The following TRHDE variants were observed in gnomAD, a reference collection of about 807,000 sequenced individuals.
The protein encoded by TRHDE is thyrotropin releasing hormone degrading enzyme, also known as thyrotropin-releasing hormone-degrading ectoenzyme.
In TRHDE, 72 loss-of-function variants were observed where a neutral mutation model predicts 125.7. That is an observed-to-expected ratio of 0.57 (90% CI 0.47 to 0.70). TRHDE has a LOEUF of 0.70. TRHDE is among the 30% of genes least tolerant of loss of function. The probability of loss-of-function intolerance (pLI) is 0.00; values close to 1 mark genes in which losing one functional copy is unlikely to be tolerated. For synonymous variants in TRHDE, 509 were observed against 509.1 expected, an observed-to-expected ratio of 1.00 and a Z score of 0.00; for missense variants, 1,110 against 1,327.1, an observed-to-expected ratio of 0.84 and a Z score of 2.54.
intron 2 of TRHDE, among the ~76,000 whole-genome samples, chr12:72,197,041 C>A (rs1312810208): frequency 6.6e-6 from 1 of 152,070 alleles, no homozygotes; most frequent in Non-Finnish European, 1.5e-5. Context: ...TTGCAAAATT[C>A]AACAGTCAAT....
intron 1 of TRHDE, among the ~76,000 whole-genome samples, chr12:72,280,499 C>G (rs1879658553): frequency 6.6e-6 from 1 of 151,458 alleles, no homozygotes; most frequent in East Asian, 1.9e-4. Context: ...AAGCAGAGTT[C>G]AAAAGACAGG....
At chr12:72,599,950 T>G (rs947890950) in intron 12 of TRHDE, among the ~76,000 whole-genome samples, 4 of 152,128 alleles carry the variant, frequency 2.6e-5, no homozygotes, top group African/African-American at 9.7e-5. Flanking sequence ...AGTTTCATTC[T>G]TCTAGCATAT....
At chr12:72,389,956 G>T (rs1425454416) in intron 3 of TRHDE, among the ~76,000 whole-genome samples, 1 of 152,100 alleles carries the variant, frequency 6.6e-6, no homozygotes, top group Non-Finnish European at 1.5e-5. Context: ...TGGTAAGAAG[G>T]GGGCAGATTC....
At chr12:72,500,241 TTATATC>T (rs1167184950) in intron 6 of TRHDE, among the ~76,000 whole-genome samples, 25 of 152,160 alleles carry the variant, frequency 1.6e-4, no homozygotes, top group Admixed American at 1.6e-3. Flanking sequence ...GGATTTTTCT[TTATATC>T]TGTATCTCTT....
Position 72,513,064 on chromosome 12 carries a change from A to AT in TRHDE, c.1722+13430dup, listed in dbSNP as rs1450710953. Among the ~76,000 whole-genome samples, 5 of 152,292 alleles carry AT rather than the reference A, an allele frequency of 3.3e-5. No homozygotes were observed. In the East Asian group the frequency reaches 9.7e-4, roughly 29 times the overall value. On this transcript the variant is annotated intron_variant, in intron 6 of 18. Coordinates refer to ENST00000261180, the MANE Select transcript of TRHDE (RefSeq NM_013381.3). ...TATGGTATGTTAATGAAATATAAAC[A>AT]TCTTCAAAAGCCCTATACAGTTACC...
rs1197780468 is a variant in TRHDE at position 72,273,413 on chromosome 12, C to G, written c.770C>G (p.Pro257Arg). 1.2e-6 allele frequency: 2 copies of G among 1,614,050 alleles called. No homozygotes were observed. The highest frequency in any genetic ancestry group is 1.3e-5 in the African/African-American group (1 of 74,936). ...CCTGTAGCCGGTTTTTTCCTCTACC[C>G]GCAAACCCAGGTCTTAGTGGTGGTG... ...AVPVAGFFLY[P>R]QTQVLVVVLN... Residue 257 changes from proline to arginine, a missense_variant, in exon 1 of 19, where the codon CCG becomes CGG. Physicochemically the swap from Pro to Arg is moderately radical, Grantham distance 103. Transcript: ENST00000261180. This position sits in a 1 kb window ranked among gnomAD's most constrained non-coding sequence, Gnocchi z 5.3.
chr12:72,544,855 C>T (rs3782366), intron 7 of TRHDE, among the ~76,000 whole-genome samples: 60,231 of 151,196 alleles, frequency 0.4, 14,513 homozygotes, highest in African/African-American at 0.67. Flanking sequence ...ACTTATAAAG[C>T]ATCGGTGTAG....
Position 72,495,814 on chromosome 12 carries a change from A to G in TRHDE, c.1585-3684A>G, listed in dbSNP as rs529125425. Among the ~76,000 whole-genome samples the G allele has an allele frequency of 2.0e-3, 306 of 152,244 alleles. 2 individuals carry two copies. Among genetic ancestry groups the G allele is most frequent in the African/African-American group, 7.0e-3 (289 of 41,550 alleles). Reference sequence around the variant, plus strand: ...ATATACTCATGTACATATACTCTACATTTACTCACATTTTCTTTACTTTTC... The same window carrying G: ...ATATACTCATGTACATATACTCTACGTTTACTCACATTTTCTTTACTTTTC... On this transcript the variant is annotated intron_variant, in intron 5 of 18. Transcript: ENST00000261180.
chr12:72,624,504 T>G (rs1873178252), intron 15 of TRHDE, among the ~76,000 whole-genome samples: 1 of 151,876 alleles, frequency 6.6e-6, no homozygotes, highest in Non-Finnish European at 1.5e-5. Flanking sequence ...CAGCATAATC[T>G]TGATACATTG....
intron 2 of TRHDE, among the ~76,000 whole-genome samples, chr12:72,117,284 C>G (rs111475226): frequency 6.6e-6 from 1 of 152,046 alleles, no homozygotes; most frequent in Non-Finnish European, 1.5e-5. Flanking sequence ...TAGTTTCATT[C>G]TTCAGCATAT....
intron 2 of TRHDE, among the ~76,000 whole-genome samples, chr12:72,149,499 A>G (rs1266889689): frequency 1.3e-5 from 2 of 152,164 alleles, no homozygotes; most frequent in East Asian, 3.8e-4. Flanking sequence ...CTATTTTTAA[A>G]AATCTAAGTC....
At chr12:72,167,378 C>CA (rs139291911) in intron 2 of TRHDE, among the ~76,000 whole-genome samples, 5,786 of 152,204 alleles carry the variant, frequency 0.038, 212 homozygotes, top group African/African-American at 0.092. Flanking sequence ...CCCTTTACAT[C>CA]ATGGAAAGAA....
chr12:72,155,638 G>A (rs1324400715), intron 2 of TRHDE, among the ~76,000 whole-genome samples: 4 of 152,134 alleles, frequency 2.6e-5, no homozygotes, highest in Non-Finnish European at 5.9e-5. Flanking sequence ...CAGGTGTATT[G>A]GAGTTTGCTG....
intron 2 of TRHDE, among the ~76,000 whole-genome samples, chr12:72,338,104 T>C (rs865875596): frequency 1.5e-4 from 23 of 152,328 alleles, no homozygotes; most frequent in Non-Finnish European, 2.5e-4. Context: ...TGCCTGCTTA[T>C]GTTTTCACAC....
chr12:72,397,137 C>T (rs750090945), intron 3 of TRHDE, among the ~76,000 whole-genome samples: 3 of 152,222 alleles, frequency 2.0e-5, no homozygotes, highest in East Asian at 1.9e-4. Context: ...TTTTCGTAAA[C>T]GGCAAACCCA....
chr12:72,353,434 A>C (rs1870675216), intron 2 of TRHDE, among the ~76,000 whole-genome samples: 1 of 151,728 alleles, frequency 6.6e-6, no homozygotes, highest in African/African-American at 2.4e-5. Context: ...ATGAAAAATA[A>C]AAGTAAAAAA....
chr12:72,365,502 T>C (rs533150552), intron 2 of TRHDE, among the ~76,000 whole-genome samples: 14 of 152,182 alleles, frequency 9.2e-5, no homozygotes, highest in Admixed American at 2.0e-4. Flanking sequence ...TGTAGGTGAG[T>C]TTAACTTTTT....
At chr12:72,327,653 T>C (rs1869401806) in intron 2 of TRHDE, among the ~76,000 whole-genome samples, 1 of 152,178 alleles carries the variant, frequency 6.6e-6, no homozygotes, top group African/African-American at 2.4e-5. Context: ...TTTTAGGAAA[T>C]TTTATTTGCT....
chr12:72,487,728 T>C (rs1178868482), intron 5 of TRHDE, among the ~76,000 whole-genome samples: 1 of 152,102 alleles, frequency 6.6e-6, no homozygotes. Flanking sequence ...AAATGTATAG[T>C]CAGATCCAGA....
Sources: allele counts gnomAD v4.1 joint callset (sites outside exome capture counted in the v4.1 genomes callset), GRCh38; gene constraint gnomAD v4.1.1; non-coding constraint Gnocchi (gnomAD v3.1); transcripts MANE v1.5; gene names NCBI Gene and HGNC (gene_info 2026-07-23, HGNC 2026-07-21).